The following PARP11 variants were observed in gnomAD, a reference collection of about 807,000 sequenced individuals.
PARP11 encodes the protein poly(ADP-ribose) polymerase family member 11.
PARP11 carries 31 observed loss-of-function variants against 42.9 expected under a neutral mutation model. That is an observed-to-expected ratio of 0.72 (90% CI 0.54 to 0.98). PARP11 has a LOEUF of 0.98. Among genes scored for constraint, PARP11 ranks in the 50% least tolerant of loss-of-function variants. The pLI is 0.00. For synonymous variants in PARP11, 137 were observed against 127.3 expected (o/e 1.08, Z -0.51); for missense variants, 365 against 413.1 (o/e 0.88, Z 1.01).
rs539710704 is a variant in PARP11 at position 3,873,369 on chromosome 12, C to T, written c.-140G>A. ...CCTTTACGAAGGCCTTCCTCCTCCC[C>T]CTCCCTGTCACAAGCCAGCGTTTAC... On this transcript the variant is annotated 5_prime_UTR_variant, in exon 1 of 8. Transcript: ENST00000228820. The T allele has an allele frequency of 4.3e-5, 33 of 761,440 alleles. No homozygotes were observed. The East Asian group carries it at 4.9e-4, about 11-fold the overall frequency. The allele number at this position is 761,440 out of a possible 1,614,324, so 47.2% of individuals were successfully genotyped here.
chr12:3,842,317 A>T (rs749757635), intron 1 of PARP11: 5 of 1,605,102 alleles, frequency 3.1e-6, no homozygotes, highest in Non-Finnish European at 4.3e-6. Flanking sequence ...AACTTATGGG[A>T]GCAGGAAGTA....
chr12:3,837,175 G>T (rs973798730), intron 1 of PARP11, among the ~76,000 whole-genome samples: 2 of 152,138 alleles, frequency 1.3e-5, no homozygotes, highest in Non-Finnish European at 2.9e-5. Flanking sequence ...GGTTTCCCAG[G>T]CACAAACTCC....
intron 1 of PARP11, 145 bp from the exon 2 acceptor site, chr12:3,830,163 T>C (rs1244457822): frequency 1.5e-6 from 1 of 652,254 alleles, no homozygotes; most frequent in Admixed American, 2.9e-5. Context: ...CTATCTTTCA[T>C]ATTGGCTCTG....
chr12:3,841,490 A>G (rs1477394813), intron 1 of PARP11: 3 of 1,500,510 alleles, frequency 2.0e-6, no homozygotes, highest in Non-Finnish European at 1.9e-6. Flanking sequence ...ATGCAGACTG[A>G]GGCTAGTGTT....
At position 3,866,003 on chromosome 12, in the gene PARP11, CTT is replaced by C. The variant is rs1948383201; in HGVS notation, c.18+7207_18+7208del. 3.3e-5 allele frequency among the ~76,000 whole-genome samples: 5 copies of C among 151,284 alleles called. No individual in the cohort carries two copies. The South Asian group carries it at 1.0e-3, about 31-fold the overall frequency. ...CTTTGGTGGCTTATTAACTGTAACT[CTT>C]TGTCTACACACTATGTTTATTTCTT... On this transcript the variant is annotated intron_variant, in intron 1 of 7. Transcript: ENST00000228820.
chr12:3,858,080 G>A (rs150356015), intron 1 of PARP11, among the ~76,000 whole-genome samples: 103 of 152,300 alleles, frequency 6.8e-4, no homozygotes, highest in African/African-American at 2.4e-3. Flanking sequence ...GTTCAGTGTT[G>A]ATGATGAACA....
chr12:3,843,157 C>A (rs1407915514), intron 1 of PARP11, among the ~76,000 whole-genome samples: 1 of 151,994 alleles, frequency 6.6e-6, no homozygotes, highest in African/African-American at 2.4e-5. Context: ...GTATATAGTT[C>A]TTTTAATATT....
intron 6 of PARP11, among the ~76,000 whole-genome samples, chr12:3,817,082 TCAGGAGGCTGAGG>T (rs997740448): frequency 6.6e-6 from 1 of 152,004 alleles, no homozygotes; most frequent in Non-Finnish European, 1.5e-5. Context: ...TCCCAGCTAC[TCAGGAGGCTGAGG>T]CAGGAGAATG....
At chr12:3,816,654 A>G (rs970050995) in intron 6 of PARP11, among the ~76,000 whole-genome samples, 4 of 152,222 alleles carry the variant, frequency 2.6e-5, no homozygotes, top group Non-Finnish European at 4.4e-5. Context: ...GCCAGGCTTC[A>G]TGGTCTGTAA....
intron 6 of PARP11, among the ~76,000 whole-genome samples, chr12:3,821,477 C>T (rs185915790): frequency 6.6e-6 from 1 of 152,114 alleles, no homozygotes; most frequent in African/African-American, 2.4e-5. Context: ...TTAAAGTGTT[C>T]TTTAAAATAA....
At chr12:3,818,477 T>TAG (rs1179901044) in intron 6 of PARP11, among the ~76,000 whole-genome samples, 2 of 152,318 alleles carry the variant, frequency 1.3e-5, no homozygotes, top group Non-Finnish European at 2.9e-5. Flanking sequence ...CTTCCACTCT[T>TAG]TCTCTAAGTC....
intron 1 of PARP11, among the ~76,000 whole-genome samples, chr12:3,863,256 C>T (rs1948331301): frequency 6.6e-6 from 1 of 152,140 alleles, no homozygotes; most frequent in Non-Finnish European, 1.5e-5. Context: ...GTTCTAAGAG[C>T]TTTTTAAAGA....
At chr12:3,850,880 G>T (rs903595718) in intron 1 of PARP11, among the ~76,000 whole-genome samples, 8 of 152,166 alleles carry the variant, frequency 5.3e-5, no homozygotes, top group African/African-American at 1.9e-4. Context: ...GAAAGAGAAG[G>T]ACCAACTATG....
intron 7 of PARP11, 65 bp from the exon 8 acceptor site, chr12:3,812,504 A>C (rs907469418): frequency 8.3e-7 from 1 of 1,203,258 alleles, no homozygotes; most frequent in Non-Finnish European, 1.2e-6. Flanking sequence ...ACAAGCAAAA[A>C]CATTTTGTCA....
intron 6 of PARP11, among the ~76,000 whole-genome samples, chr12:3,818,015 C>T (rs897424024): frequency 6.6e-6 from 1 of 152,190 alleles, no homozygotes; most frequent in African/African-American, 2.4e-5. Context: ...TTCCTTGCTG[C>T]CTTATACTTC....
chr12:3,862,537 T>G (rs1189932888), intron 1 of PARP11, among the ~76,000 whole-genome samples: 4 of 151,004 alleles, frequency 2.6e-5, no homozygotes, highest in African/African-American at 9.7e-5. Context: ...CTATGATCCA[T>G]TTTTAGTAAA....
At position 3,840,386 on chromosome 12, in the gene PARP11, G is replaced by A. The variant is rs1401081148; in HGVS notation, c.19-10368C>T. ...TTCCATTCTGATATGGATTACAGAG[G>A]GCCAAAGAATCCAAGCAAGCCAATA... On this transcript the variant is annotated intron_variant, in intron 1 of 7. Coordinates refer to ENST00000228820, the MANE Select transcript of PARP11 (RefSeq NM_020367.6). This position sits in a 1 kb window ranked among gnomAD's most constrained non-coding sequence, Gnocchi z 4.4. 4 of 1,613,838 alleles carry A rather than the reference G, an allele frequency of 2.5e-6. No individual in the cohort carries two copies. Among genetic ancestry groups the A allele is most frequent in the Admixed American group, 3.3e-5 (2 of 60,018 alleles).
chr12:3,843,649 A>G (rs1352647042), intron 1 of PARP11, among the ~76,000 whole-genome samples: 2 of 152,352 alleles, frequency 1.3e-5, no homozygotes, highest in Non-Finnish European at 2.9e-5. Context: ...GGTAGGTAAC[A>G]TCTTCCATTC....
In PARP11 at chr12:3,840,354, A is replaced by G. The variant is rs967958687; in HGVS notation, c.19-10336T>C. 8.1e-6 allele frequency: 13 copies of G among 1,613,930 alleles called. No homozygotes were observed. Among genetic ancestry groups the G allele is most frequent in the African/African-American group, 6.7e-5 (5 of 74,892 alleles). On this transcript the variant is annotated intron_variant, in intron 1 of 7. Coordinates refer to ENST00000228820, the MANE Select transcript of PARP11 (RefSeq NM_020367.6). The surrounding 1 kb of genome is among the most constrained non-coding windows in gnomAD (Gnocchi z 4.4). Reference sequence around the variant, plus strand: ...AGATGAAAAAACCTTCCACTTCTGGACAAAATTTCCATTCTGATATGGATT... The same window carrying G: ...AGATGAAAAAACCTTCCACTTCTGGGCAAAATTTCCATTCTGATATGGATT...
Sources: gnomAD v4.1 joint callset for allele counts (sites outside exome capture counted in the v4.1 genomes callset) on GRCh38, gnomAD v4.1.1 for gene constraint, Gnocchi (gnomAD v3.1) non-coding constraint, MANE v1.5 for transcripts, NCBI Gene and HGNC (gene_info 2026-07-23, HGNC 2026-07-21) for gene names.